TNRC6B: variants seen among roughly 807,000 people sequenced by gnomAD.
TNRC6B encodes trinucleotide repeat-containing gene 6B protein.
TNRC6B carries 52 observed loss-of-function variants against 203.6 expected under a neutral mutation model. That is an observed-to-expected ratio of 0.26 (90% confidence interval 0.20 to 0.32). The LOEUF (loss-of-function observed/expected upper bound fraction) is 0.32. Among genes scored for constraint, TNRC6B ranks in the 10% least tolerant of loss-of-function variants. The pLI is 1.00. For synonymous variants in TNRC6B, 838 were observed against 845.7 expected (o/e 0.99, Z 0.16); for missense variants, 1,923 against 2,286.2 (o/e 0.84, Z 3.24).
intron 1 of TNRC6B, among the ~76,000 whole-genome samples, chr22:40,098,019 C>A (rs1187255078): frequency 6.6e-6 from 1 of 151,880 alleles, no homozygotes; most frequent in African/African-American, 2.4e-5. Context: ...TAGATTAAAA[C>A]AACTTTAAAT....
At chr22:40,103,876 C>CA in intron 1 of TNRC6B, among the ~76,000 whole-genome samples, 1 of 151,748 alleles carries the variant, frequency 6.6e-6, no homozygotes, top group South Asian at 2.1e-4. Context: ...CTCCTGACCT[C>CA]ACGTGATCTG....
intron 1 of TNRC6B, among the ~76,000 whole-genome samples, chr22:40,242,311 C>T (rs1012813154): frequency 6.6e-6 from 1 of 152,138 alleles, no homozygotes; most frequent in African/African-American, 2.4e-5. Context: ...CATGAGTTCA[C>T]GTCAATAACT....
chr22:40,096,490 A>G (rs2068187024), intron 1 of TNRC6B, among the ~76,000 whole-genome samples: 1 of 152,178 alleles, frequency 6.6e-6, no homozygotes, highest in Non-Finnish European at 1.5e-5. Context: ...TGACAGCAAC[A>G]TGAGTCTGGG....
chr22:40,074,779 C>CA (rs57402664), intron 1 of TNRC6B, among the ~76,000 whole-genome samples: 44 of 142,678 alleles, frequency 3.1e-4, no homozygotes, highest in Admixed American at 7.0e-4. Context: ...ACTCCGTCTC[C>CA]AAAAAAAAAA....
intron 1 of TNRC6B, among the ~76,000 whole-genome samples, chr22:40,049,749 G>A (rs1243305615): frequency 6.6e-6 from 1 of 152,034 alleles, no homozygotes; most frequent in Non-Finnish European, 1.5e-5. Context: ...GATTGCAGGC[G>A]CACACCACCA....
intron 1 of TNRC6B, among the ~76,000 whole-genome samples, chr22:40,243,158 C>T (rs961509930): frequency 1.2e-4 from 18 of 152,028 alleles, no homozygotes; most frequent in African/African-American, 9.7e-5. Flanking sequence ...CGTGAGCCAC[C>T]GCAACCGGCC....
At chr22:40,117,948 A>G (rs533403858) in intron 2 of TNRC6B, among the ~76,000 whole-genome samples, 14 of 152,190 alleles carry the variant, frequency 9.2e-5, no homozygotes, top group Admixed American at 2.6e-4. Flanking sequence ...TTCAATGCCT[A>G]AAAGAGGCCC....
At chr22:40,183,103 G>A (rs766818131) in intron 1 of TNRC6B, among the ~76,000 whole-genome samples, 1 of 152,054 alleles carries the variant, frequency 6.6e-6, no homozygotes, top group African/African-American at 2.4e-5. Flanking sequence ...GAGTGAAAAT[G>A]TGTGAGTATA....
intron 1 of TNRC6B, among the ~76,000 whole-genome samples, chr22:40,060,222 TA>T (rs1243851243): frequency 2.0e-5 from 3 of 150,614 alleles, no homozygotes; most frequent in African/African-American, 2.4e-5. Flanking sequence ...TTATTTTTAT[TA>T]TTTTTTTATT....
At chr22:40,057,804 A>G (rs2067812896) in intron 1 of TNRC6B, among the ~76,000 whole-genome samples, 1 of 152,168 alleles carries the variant, frequency 6.6e-6, no homozygotes, top group African/African-American at 2.4e-5. Flanking sequence ...CTGAGGAGCT[A>G]AATGTCTTTC....
At chr22:40,187,089 A>G (rs1249731025) in intron 1 of TNRC6B, among the ~76,000 whole-genome samples, 1 of 152,250 alleles carries the variant, frequency 6.6e-6, no homozygotes, top group Non-Finnish European at 1.5e-5. Context: ...ATTAATTAAA[A>G]TACAGTTAAA....
At chr22:40,321,287 T>TA in intron 22 of TNRC6B, 58 bp downstream of exon 22, 1 of 1,581,380 alleles carries the variant, frequency 6.3e-7, no homozygotes, top group South Asian at 1.1e-5. Context: ...CACCCGTGAG[T>TA]ATTCTGGCAG....
chr22:40,159,029 C>T (rs1431192978), intron 4 of TNRC6B, among the ~76,000 whole-genome samples: 3 of 151,868 alleles, frequency 2.0e-5, no homozygotes, highest in African/African-American at 4.8e-5. Flanking sequence ...GTGGCACAGT[C>T]TCGGCTCACT....
rs1486942986 is a variant in TNRC6B at position 40,223,596 on chromosome 22, A to G, written c.6-22419A>G. On this transcript the variant is annotated intron_variant, in intron 1 of 22. Transcript: ENST00000454349. The stretch of plus-strand genomic sequence containing the variant: ...TTGAAGACTTATCTTCCTTAGTACA[A>G]AAAGAACTGCTTGTTATAATTGCAT... Among the ~76,000 whole-genome samples the G allele has an allele frequency of 2.0e-5, 3 of 152,224 alleles. No individual in the cohort carries two copies. The East Asian group carries it at 5.8e-4, about 29-fold the overall frequency.
intron 13 of TNRC6B, 137 bp from the exon 14 acceptor site, chr22:40,300,773 C>A: frequency 8.3e-7 from 1 of 1,209,970 alleles, no homozygotes. Context: ...AACCAAGAGA[C>A]CGGGAATTTG....
intron 1 of TNRC6B, among the ~76,000 whole-genome samples, chr22:40,087,090 A>G (rs532156886): frequency 2.6e-5 from 4 of 152,172 alleles, no homozygotes; most frequent in Admixed American, 2.6e-4. Flanking sequence ...CTCAGCTTAT[A>G]CTGCATCAGT....
At chr22:40,124,395 T>C (rs1200527955) in intron 2 of TNRC6B, among the ~76,000 whole-genome samples, 1 of 148,820 alleles carries the variant, frequency 6.7e-6, no homozygotes, top group East Asian at 2.0e-4. Flanking sequence ...TGATCACAGC[T>C]CACTGCAGCC....
At chr22:40,141,087 T>C (rs1041072328) in intron 3 of TNRC6B, among the ~76,000 whole-genome samples, 2 of 151,934 alleles carry the variant, frequency 1.3e-5, no homozygotes, top group African/African-American at 2.4e-5. Flanking sequence ...ATTTAACATA[T>C]TTGCTTTGTC....
At chr22:40,203,792 T>G (rs2069443702) in intron 1 of TNRC6B, among the ~76,000 whole-genome samples, 1 of 152,240 alleles carries the variant, frequency 6.6e-6, no homozygotes, top group Non-Finnish European at 1.5e-5. Flanking sequence ...CCACTGAATA[T>G]TCTAGCCCCA....
Sources: gnomAD v4.1 joint callset for allele counts (sites outside exome capture counted in the v4.1 genomes callset) on GRCh38, gnomAD v4.1.1 for gene constraint, MANE v1.5 for transcripts, NCBI Gene and HGNC (gene_info 2026-07-23, HGNC 2026-07-21) for gene names.